The following PHACTR1 variants were observed in gnomAD, a reference collection of about 807,000 sequenced individuals.
PHACTR1 encodes RPEL repeat containing 1.
A neutral mutation model predicts 69.2 loss-of-function variants in PHACTR1; 16 were observed. The observed-to-expected ratio is 0.23, with a 90% CI of 0.16 to 0.35. PHACTR1 has a LOEUF of 0.35. PHACTR1 is among the 10% of genes least tolerant of loss of function. PHACTR1 has a pLI of 1.00. For synonymous variants in PHACTR1, 312 were observed against 284.5 expected (o/e 1.10, Z -0.97); for missense variants, 510 against 734.7 (o/e 0.69, Z 3.54).
intron 4 of PHACTR1, among the ~76,000 whole-genome samples, chr6:12,979,858 C>T (rs1335363948): frequency 1.3e-5 from 2 of 152,000 alleles, no homozygotes; most frequent in African/African-American, 2.4e-5. Flanking sequence ...TTCATCCTTT[C>T]GTTGTTGAAT....
In PHACTR1 at chr6:13,279,584, G is replaced by A. The variant is rs555021811; in HGVS notation, c.1509+1255G>A. ...GTATTTCTCCACACTTTCCCTGCGA[G>A]CATCCCAAATACCTGGTGACAAGCC... is the stretch of plus-strand genomic sequence containing the variant. On this transcript the variant is annotated intron_variant, in intron 12 of 14. Transcript: ENST00000332995. The A allele has an allele frequency of 5.9e-5, 9 of 152,338 alleles. No individual in the cohort carries two copies. In the South Asian group the frequency reaches 1.9e-3, roughly 32 times the overall value. 9.4% of individuals were successfully genotyped at this position (152,338 alleles called of 1,614,324 possible). A position where few individuals can be genotyped will look rare whatever the true frequency, so the allele number is the denominator to read the frequency against.
At chr6:13,109,684 T>A (rs1816719317) in intron 5 of PHACTR1, among the ~76,000 whole-genome samples, 1 of 152,148 alleles carries the variant, frequency 6.6e-6, no homozygotes, top group Non-Finnish European at 1.5e-5. Flanking sequence ...ACATAGTTTT[T>A]ATCAAATTTT....
chr6:12,943,907 G>C (rs1461154158), intron 4 of PHACTR1, among the ~76,000 whole-genome samples: 1 of 152,160 alleles, frequency 6.6e-6, no homozygotes, highest in Non-Finnish European at 1.5e-5. Flanking sequence ...CTTGCATCTA[G>C]TCTTGGAATT....
At chr6:12,929,440 G>A (rs1305256779) in intron 4 of PHACTR1, among the ~76,000 whole-genome samples, 1 of 152,138 alleles carries the variant, frequency 6.6e-6, no homozygotes, top group African/African-American at 2.4e-5. Flanking sequence ...ATTTGATGTG[G>A]ATTTATTGGC....
intron 10 of PHACTR1, 130 bp from the exon 11 acceptor site, chr6:13,272,730 C>T: frequency 6.2e-7 from 1 of 1,602,478 alleles, no homozygotes; most frequent in Non-Finnish European, 8.5e-7. Context: ...GAGAGTCAGT[C>T]TTTCAGAGCA....
intron 4 of PHACTR1, among the ~76,000 whole-genome samples, chr6:12,822,140 G>A (rs1417203510): frequency 6.6e-6 from 1 of 152,226 alleles, no homozygotes; most frequent in African/African-American, 2.4e-5. Context: ...TAAGGGACAA[G>A]AACCTGGCTG....
At chr6:12,766,648 C>T (rs1768651484) in intron 4 of PHACTR1, among the ~76,000 whole-genome samples, 1 of 152,200 alleles carries the variant, frequency 6.6e-6, no homozygotes, top group Non-Finnish European at 1.5e-5. Context: ...GGTTATTAAA[C>T]ATTTACCAGC....
chr6:12,914,843 C>T (rs1182440752), intron 4 of PHACTR1, among the ~76,000 whole-genome samples: 2 of 152,180 alleles, frequency 1.3e-5, no homozygotes, highest in Non-Finnish European at 2.9e-5. Flanking sequence ...GAACTGGGAC[C>T]CCTCCTAAGG....
intron 4 of PHACTR1, among the ~76,000 whole-genome samples, chr6:12,921,515 G>T (rs1255831962): frequency 1.5e-5 from 2 of 137,700 alleles, no homozygotes; most frequent in Non-Finnish European, 3.1e-5. Flanking sequence ...AAGGAAGGAA[G>T]GAAGGGGAGG....
intron 4 of PHACTR1, among the ~76,000 whole-genome samples, chr6:12,908,508 A>T (rs923785133): frequency 6.9e-6 from 1 of 145,732 alleles, no homozygotes; most frequent in East Asian, 2.0e-4. Context: ...GCAGAGATTT[A>T]AAAAAAAAAA....
intron 4 of PHACTR1, among the ~76,000 whole-genome samples, chr6:12,969,716 C>G (rs986347687): frequency 2.0e-5 from 3 of 152,160 alleles, no homozygotes; most frequent in Non-Finnish European, 4.4e-5. Context: ...AATCCCAGCA[C>G]GTGGGGAGGC....
intron 5 of PHACTR1, among the ~76,000 whole-genome samples, chr6:13,092,920 A>G (rs1310148925): frequency 2.6e-5 from 4 of 152,240 alleles, no homozygotes; most frequent in African/African-American, 9.6e-5. Flanking sequence ...ACATTTCTAT[A>G]TTTTTGAAAG....
intron 4 of PHACTR1, among the ~76,000 whole-genome samples, chr6:12,852,677 T>C (rs1485944663): frequency 6.6e-6 from 1 of 152,192 alleles, no homozygotes; most frequent in Non-Finnish European, 1.5e-5. Flanking sequence ...CCTGGAAAGC[T>C]TTCTGTGATA....
At chr6:13,025,433 C>T (rs898631371) in intron 4 of PHACTR1, among the ~76,000 whole-genome samples, 1 of 152,094 alleles carries the variant, frequency 6.6e-6, no homozygotes, top group African/African-American at 2.4e-5. Flanking sequence ...GGCAGGCCTC[C>T]CCTGACATAG....
rs574943384 is a variant in PHACTR1 at position 13,017,629 on chromosome 6, T to C, written c.251-35736T>C. Reference sequence around the variant, plus strand: ...TTTACAAATAGTTAAAAATCAAATTTAGAGAAAATCTAGAAAGTGAAGTAT... The same window carrying C: ...TTTACAAATAGTTAAAAATCAAATTCAGAGAAAATCTAGAAAGTGAAGTAT... On this transcript the variant is annotated intron_variant, in intron 4 of 14. Coordinates refer to ENST00000332995, the MANE Select transcript of PHACTR1 (RefSeq NM_030948.6). Among the ~76,000 whole-genome samples the C allele has an allele frequency of 3.8e-4, 58 of 152,298 alleles. No individual in the cohort carries two copies. The South Asian group carries it at 0.012, about 30-fold the overall frequency.
intron 6 of PHACTR1, among the ~76,000 whole-genome samples, chr6:13,175,135 A>T (rs1379512935): frequency 1.3e-5 from 2 of 152,224 alleles, no homozygotes; most frequent in Non-Finnish European, 2.9e-5. Context: ...TAAAAATATA[A>T]AACTTTGTTT....
chr6:13,168,509 A>G (rs903946648), intron 6 of PHACTR1, among the ~76,000 whole-genome samples: 2 of 152,230 alleles, frequency 1.3e-5, no homozygotes, highest in Non-Finnish European at 2.9e-5. Context: ...CCTGGGCACC[A>G]GGAATACTAG....
chr6:12,825,102 G>A (rs950258113), intron 4 of PHACTR1, among the ~76,000 whole-genome samples: 20 of 151,850 alleles, frequency 1.3e-4, no homozygotes, highest in Non-Finnish European at 2.8e-4. Context: ...AACATAGCAA[G>A]ACTCCCATCT....
intron 4 of PHACTR1, among the ~76,000 whole-genome samples, chr6:12,841,001 G>A (rs1778638208): frequency 6.6e-6 from 1 of 152,196 alleles, no homozygotes; most frequent in Admixed American, 6.5e-5. Context: ...GTGGGAACAT[G>A]GAACTCACGA....
Sources: gnomAD v4.1 joint callset for allele counts (sites outside exome capture counted in the v4.1 genomes callset) on GRCh38, gnomAD v4.1.1 for gene constraint, MANE v1.5 for transcripts, NCBI Gene and HGNC (gene_info 2026-07-23, HGNC 2026-07-21) for gene names.